ZNF114: variants seen among roughly 807,000 people sequenced by gnomAD.
ZNF114 encodes zinc finger protein 114 (Y18).
ZNF114 carries 8 observed loss-of-function variants against 6.8 expected under a neutral mutation model. The observed-to-expected ratio is 1.18, with a 90% CI of 0.69 to 2.13. The LOEUF is 2.13. Ranked by LOEUF, ZNF114 falls within the 30% of genes most tolerant of loss-of-function variation. The pLI, the probability that ZNF114 is intolerant of heterozygous loss-of-function variation, is 0.00. For synonymous variants in ZNF114, 169 were observed against 185.5 expected (o/e 0.91, Z 0.72); for missense variants, 472 against 519.5 (o/e 0.91, Z 0.89).
intron 3 of ZNF114, among the ~76,000 whole-genome samples, chr19:48,278,814 G>A (rs759869504): frequency 6.6e-6 from 1 of 152,242 alleles, no homozygotes; most frequent in Non-Finnish European, 1.5e-5. Flanking sequence ...GTGATGGCAG[G>A]CACCTGTAAT....
chr19:48,285,724 C>T (rs368463460), intron 5 of ZNF114, 37 bp from the exon 6 acceptor site: 1 of 1,561,316 alleles, frequency 6.4e-7, no homozygotes, highest in African/African-American at 1.4e-5. Flanking sequence ...CCTTTACTTT[C>T]AACAAAGAAT....
At chr19:48,274,955 A>G (rs960810321) in intron 3 of ZNF114, among the ~76,000 whole-genome samples, 6 of 150,998 alleles carry the variant, frequency 4.0e-5, no homozygotes, top group Non-Finnish European at 8.9e-5. Flanking sequence ...ACGCCTGTGC[A>G]TTTGTGTGGT....
rs546806157 is a variant in ZNF114, at chr19:48,286,437, C to A, written c.813C>A (p.Thr271=). Residue 271 remains threonine (T), a synonymous_variant, in exon 6 of 6, where the codon ACC becomes ACA. Coordinates refer to ENST00000595607, the MANE Select transcript of ZNF114 (RefSeq NM_153608.4). ...SIHAMQMQLY[T]AETNKKDCQT... is the part of the protein sequence containing the mutation. ...ACGCCATGCAGATGCAGTTGTATACCGCAGAGACAAACAAGAAGGATTGTC... is the reference window on the plus strand; with the variant it reads ...ACGCCATGCAGATGCAGTTGTATACAGCAGAGACAAACAAGAAGGATTGTC... 1 of 1,614,136 alleles carries A rather than the reference C, an allele frequency of 6.2e-7. No individual in the cohort carries two copies. The highest frequency in any genetic ancestry group is 8.5e-7 in the Non-Finnish European group (1 of 1,180,036).
chr19:48,275,482 C>T (rs1568990604), intron 3 of ZNF114, among the ~76,000 whole-genome samples: 1 of 148,150 alleles, frequency 6.7e-6, no homozygotes, highest in Admixed American at 6.7e-5. Flanking sequence ...TGGTGGTGGT[C>T]GCCTGTACTC....
intron 5 of ZNF114, among the ~76,000 whole-genome samples, chr19:48,283,986 G>A (rs1208043136): frequency 1.3e-5 from 2 of 151,928 alleles, no homozygotes; most frequent in Non-Finnish European, 2.9e-5. Flanking sequence ...CGCCCACCTC[G>A]GCCTCCCAAA....
intron 3 of ZNF114, among the ~76,000 whole-genome samples, chr19:48,272,870 A>G (rs1967709259): frequency 7.5e-6 from 1 of 133,382 alleles, no homozygotes. Flanking sequence ...ATCTCTGCTC[A>G]CTGCAAGCTC....
intron 3 of ZNF114, among the ~76,000 whole-genome samples, chr19:48,275,477 G>A (rs1298174175): frequency 7.3e-6 from 1 of 137,048 alleles, no homozygotes; most frequent in Non-Finnish European, 1.6e-5. Flanking sequence ...AGGCGTGGTG[G>A]TGGTCGCCTG....
intron 3 of ZNF114, among the ~76,000 whole-genome samples, chr19:48,278,941 T>C (rs2058024934): frequency 6.9e-6 from 1 of 145,676 alleles, no homozygotes; most frequent in Non-Finnish European, 1.5e-5. Context: ...AGACTCCGTC[T>C]CAAAAAAAAA....
rs777196307 is a variant in ZNF114, at chr19:48,286,696, A to C, written c.1072A>C (p.Lys358Gln). ...NKHLRKHVVQKKPYECEECGK... is the reference protein window; with the variant it reads ...NKHLRKHVVQQKPYECEECGK... The stretch of plus-strand genomic sequence containing the variant: ...ACATTTAAGAAAGCATGTTGTGCAG[A>C]AGAAGCCCTACGAATGTGAAGAATG... The change falls in exon 6 of 6, where the codon AAG becomes CAG. Residue 358 changes from lysine (K) to glutamine (Q), a missense_variant. Physicochemically the swap from Lys to Gln is moderately conservative, Grantham distance 53. Transcript: ENST00000595607. 3.1e-6 allele frequency: 5 copies of C among 1,613,350 alleles called. No homozygotes were observed. The highest frequency in any genetic ancestry group is 4.2e-6 in the Non-Finnish European group (5 of 1,179,824).
In ZNF114 at chr19:48,286,646, T is replaced by G. The variant is rs1968139193; in HGVS notation, c.1022T>G (p.Phe341Cys). ...PYECGKCGKA[F>C]RYSLHLNKHL... is the part of the protein sequence containing the mutation. ...GAATGTGGGAAATGTGGGAAAGCCT[T>G]TAGATATTCCTTACACCTTAATAAA... Residue 341 changes from phenylalanine (F) to cysteine (C), a missense_variant, in exon 6 of 6, where the codon TTT becomes TGT. Transcript: ENST00000595607. The G allele has an allele frequency of 6.2e-7, 1 of 1,613,620 alleles. No homozygotes were observed. The highest frequency in any genetic ancestry group is 1.3e-5 in the African/African-American group (1 of 74,862).
In ZNF114 at chr19:48,274,064, A is replaced by ATG. The variant is rs1967756682; in HGVS notation, c.-70+2238_-70+2239dup. On this transcript the variant is annotated intron_variant, in intron 3 of 5. Coordinates refer to ENST00000595607, the MANE Select transcript of ZNF114 (RefSeq NM_153608.4). ...GAGCCACCGTGCCTGGCCAATATAT[A>ATG]TGTATATATATTTTTATACATGTAT... Among the ~76,000 whole-genome samples, 3 of 150,752 alleles carry ATG rather than the reference A, an allele frequency of 2.0e-5. No homozygotes were observed. The Admixed American group carries it at 2.0e-4, about 10-fold the overall frequency.
At position 48,272,978 on chromosome 19, in the gene ZNF114, G is replaced by A. The variant is rs1314183649; in HGVS notation, c.-70+1150G>A. 2.6e-5 allele frequency among the ~76,000 whole-genome samples: 4 copies of A among 152,114 alleles called. No homozygotes were observed. In the East Asian group the frequency reaches 7.8e-4, roughly 30 times the overall value. On this transcript the variant is annotated intron_variant, in intron 3 of 5. Coordinates refer to ENST00000595607, the MANE Select transcript of ZNF114 (RefSeq NM_153608.4). ...GCCCGGCTAATTTTTTGTATTTTTA[G>A]TAGAGACGGGGTTTCACCGCGTTAG...
chr19:48,283,608 AGGCTC>A (rs1402197118), intron 5 of ZNF114, among the ~76,000 whole-genome samples: 2 of 152,190 alleles, frequency 1.3e-5, no homozygotes, highest in Non-Finnish European at 2.9e-5. Context: ...ACAGAGCAAC[AGGCTC>A]GCCACTGAGA....
At chr19:48,282,616 G>GC in intron 5 of ZNF114, 119 bp downstream of exon 5, 6 of 1,246,802 alleles carry the variant, frequency 4.8e-6, no homozygotes, top group Non-Finnish European at 6.5e-6. Context: ...CACAGCTGCT[G>GC]CCCCCCAGGT....
At chr19:48,279,432 G>C (rs943692135) in intron 3 of ZNF114, among the ~76,000 whole-genome samples, 1 of 123,600 alleles carries the variant, frequency 8.1e-6, no homozygotes, top group Non-Finnish European at 1.7e-5. Flanking sequence ...TGTGTGTGTG[G>C]GTGTCTGTGT....
intron 5 of ZNF114, among the ~76,000 whole-genome samples, chr19:48,285,543 A>AGTAG (rs1968092832): frequency 1.4e-5 from 2 of 147,192 alleles, no homozygotes; most frequent in Non-Finnish European, 1.5e-5. Flanking sequence ...GAGAGAGGAA[A>AGTAG]GAAGGAAGGA....
intron 3 of ZNF114, among the ~76,000 whole-genome samples, chr19:48,275,454 AC>A (rs1432065079): frequency 1.4e-5 from 2 of 140,898 alleles, no homozygotes; most frequent in African/African-American, 5.1e-5. Context: ...ACACACACAC[AC>A]ACAAAATAGC....
chr19:48,283,764 A>G (rs1968050951), intron 5 of ZNF114, among the ~76,000 whole-genome samples: 1 of 150,102 alleles, frequency 6.7e-6, no homozygotes, highest in African/African-American at 2.5e-5. Flanking sequence ...ACTGTGTTTC[A>G]CTCTTGTTGC....
chr19:48,270,863 G>C (rs987069458), intron 1 of ZNF114, among the ~76,000 whole-genome samples: 7 of 151,984 alleles, frequency 4.6e-5, no homozygotes, highest in East Asian at 1.9e-4. Flanking sequence ...CGGATCACGA[G>C]GTCAGGAGAT....
Sources: allele counts gnomAD v4.1 joint callset (sites outside exome capture counted in the v4.1 genomes callset), GRCh38; gene constraint gnomAD v4.1.1; transcripts MANE v1.5; gene names NCBI Gene and HGNC (gene_info 2026-07-23, HGNC 2026-07-21).